ATP9B: variants seen among roughly 807,000 people sequenced by gnomAD.
The protein encoded by ATP9B is ATPase phospholipid transporting 9B.
ATP9B carries 110 observed loss-of-function variants against 146.1 expected under a neutral mutation model. That is an observed-to-expected ratio of 0.75 (90% CI 0.65 to 0.88). The LOEUF (loss-of-function observed/expected upper bound fraction) is 0.88. ATP9B is among the 40% of genes least tolerant of loss of function. The pLI, the probability that ATP9B is intolerant of heterozygous loss-of-function variation, is 0.00. For synonymous variants in ATP9B, 604 were observed against 569.7 expected (o/e 1.06, Z -0.86); for missense variants, 1,499 against 1,496.4 (o/e 1.00, Z -0.03).
At position 79,375,376 on chromosome 18, in the gene ATP9B, A is replaced by T; in HGVS notation, c.3275-18A>T. On this transcript the variant is annotated intron_variant, in intron 28 of 29. Transcript: ENST00000426216. ...CTTTAATCTGTCCTTTATTTTCTTTATTACTGTTTTGGAACAGGTATAGGC... is the reference window on the plus strand; with the variant it reads ...CTTTAATCTGTCCTTTATTTTCTTTTTTACTGTTTTGGAACAGGTATAGGC... 1 of 1,601,346 alleles carries T rather than the reference A, an allele frequency of 6.2e-7. No individual in the cohort carries two copies. Among genetic ancestry groups the T allele is most frequent in the Non-Finnish European group, 8.5e-7 (1 of 1,169,874 alleles).
chr18:79,262,849 T>A (rs2096158236), intron 12 of ATP9B, among the ~76,000 whole-genome samples: 1 of 152,234 alleles, frequency 6.6e-6, no homozygotes, highest in Admixed American at 6.5e-5. Context: ...TCTGTATAAA[T>A]CTCTTATTAG....
chr18:79,128,886 A>G (rs1437086232), intron 5 of ATP9B, among the ~76,000 whole-genome samples: 2 of 152,168 alleles, frequency 1.3e-5, no homozygotes, highest in African/African-American at 2.4e-5. Flanking sequence ...ATCCAGAGAA[A>G]GTCAACCTAG....
chr18:79,255,850 C>T (rs2096072219), intron 12 of ATP9B, among the ~76,000 whole-genome samples: 1 of 152,146 alleles, frequency 6.6e-6, no homozygotes, highest in Non-Finnish European at 1.5e-5. Flanking sequence ...ATTCCAACTC[C>T]CAAAATATGT....
chr18:79,091,124 CTGGTCCAT>C, intron 1 of ATP9B, among the ~76,000 whole-genome samples: 1 of 152,266 alleles, frequency 6.6e-6, no homozygotes, highest in Admixed American at 6.5e-5. Context: ...GTTCTCTATT[CTGGTCCAT>C]TGGTCTATGT....
chr18:79,299,637 G>T (rs1361193601), intron 13 of ATP9B, among the ~76,000 whole-genome samples: 1 of 152,168 alleles, frequency 6.6e-6, no homozygotes, highest in African/African-American at 2.4e-5. Context: ...GGGGCACTTT[G>T]TGCATTGTCT....
chr18:79,189,604 G>C (rs2095343315), intron 8 of ATP9B, among the ~76,000 whole-genome samples: 1 of 152,156 alleles, frequency 6.6e-6, no homozygotes, highest in South Asian at 2.1e-4. Context: ...CTTACAATAA[G>C]GTAAGCTAGA....
rs577199928 is a variant in ATP9B at position 79,143,879 on chromosome 18, T to C, written c.726+19T>C. The C allele has an allele frequency of 1.3e-6, 2 of 1,510,208 alleles. No individual in the cohort carries two copies. The highest frequency in any genetic ancestry group is 2.3e-5 in the East Asian group (1 of 43,392). 93.6% of individuals were successfully genotyped at this position (1,510,208 alleles called of 1,614,324 possible). A position where few individuals can be genotyped will look rare whatever the true frequency, so the allele number is the denominator to read the frequency against. On this transcript the variant is annotated intron_variant, in intron 6 of 29. Coordinates refer to ENST00000426216, the MANE Select transcript of ATP9B (RefSeq NM_198531.5). ...GGAAAAGGTTGATGATTTTTTAATA[T>C]ATTTTAGACCTATGTATGCTAGTTA...
chr18:79,170,103 G>A (rs1030299568), intron 7 of ATP9B, among the ~76,000 whole-genome samples: 1 of 152,194 alleles, frequency 6.6e-6, no homozygotes, highest in African/African-American at 2.4e-5. Flanking sequence ...AGAGGGAAAG[G>A]CCAGGAGCTC....
intron 11 of ATP9B, among the ~76,000 whole-genome samples, chr18:79,217,499 A>G (rs1238367965): frequency 1.3e-5 from 2 of 152,232 alleles, no homozygotes; most frequent in Non-Finnish European, 2.9e-5. Context: ...TGGTATTTAA[A>G]CATCCAATTA....
chr18:79,206,389 G>C lies in ATP9B; in HGVS notation c.955-548G>C, dbSNP rs540672475. On this transcript the variant is annotated intron_variant, in intron 9 of 29. Coordinates refer to ENST00000426216, the MANE Select transcript of ATP9B (RefSeq NM_198531.5). ...GCCCTTGTCCTTCACAAGAGATAGA[G>C]AGAGGAAATTATGCTATGCACGCAA... Among the ~76,000 whole-genome samples, 4 of 152,248 alleles carry C rather than the reference G, an allele frequency of 2.6e-5. No homozygotes were observed. The East Asian group carries it at 5.8e-4, about 22-fold the overall frequency.
At chr18:79,348,481 AG>A (rs1297367057) in intron 25 of ATP9B, among the ~76,000 whole-genome samples, 2 of 152,220 alleles carry the variant, frequency 1.3e-5, no homozygotes, top group African/African-American at 4.8e-5. Context: ...GTCCCGTGGC[AG>A]AAGGCGGAGG....
At chr18:79,334,581 G>T (rs192173630) in intron 17 of ATP9B, among the ~76,000 whole-genome samples, 6 of 152,002 alleles carry the variant, frequency 3.9e-5, no homozygotes, top group Admixed American at 2.0e-4. Context: ...CACAGCAGAG[G>T]GGGGTGGGGT....
At chr18:79,296,749 A>T (rs769499235) in intron 13 of ATP9B, among the ~76,000 whole-genome samples, 3 of 152,218 alleles carry the variant, frequency 2.0e-5, no homozygotes, top group Non-Finnish European at 4.4e-5. Flanking sequence ...TTAAATCAGC[A>T]ACTTTTTTGG....
intron 11 of ATP9B, among the ~76,000 whole-genome samples, chr18:79,227,708 G>A (rs2095750666): frequency 6.6e-6 from 1 of 152,156 alleles, no homozygotes; most frequent in Admixed American, 6.5e-5. Context: ...CCCCCCGACT[G>A]TTCTCCTTCC....
chr18:79,204,591 G>A (rs2095517799), intron 9 of ATP9B, among the ~76,000 whole-genome samples: 1 of 152,192 alleles, frequency 6.6e-6, no homozygotes, highest in South Asian at 2.1e-4. Context: ...GCTAAGTTCA[G>A]GAAAGCATGC....
intron 12 of ATP9B, among the ~76,000 whole-genome samples, chr18:79,273,218 T>C (rs1043080802): frequency 2.1e-4 from 32 of 152,134 alleles, no homozygotes; most frequent in African/African-American, 6.8e-4. Context: ...ATCTAAGATA[T>C]CTCATAGGAA....
intron 25 of ATP9B, chr18:79,352,661 G>A (rs1478173741): frequency 6.6e-6 from 1 of 152,142 alleles, no homozygotes; most frequent in Non-Finnish European, 1.5e-5. Flanking sequence ...AAACCTCTGT[G>A]TTTCAAGAGT....
intron 13 of ATP9B, among the ~76,000 whole-genome samples, chr18:79,284,598 T>G (rs544156415): frequency 6.6e-5 from 10 of 152,284 alleles, no homozygotes; most frequent in Non-Finnish European, 1.2e-4. Context: ...CACTTAAGTT[T>G]TGTTTCCATT....
intron 4 of ATP9B, among the ~76,000 whole-genome samples, chr18:79,118,537 A>G (rs1490840451): frequency 6.6e-6 from 1 of 151,108 alleles, no homozygotes; most frequent in African/African-American, 2.4e-5. Context: ...AGTAGCTGGG[A>G]CTACAGATAC....
Sources: allele counts gnomAD v4.1 joint callset (sites outside exome capture counted in the v4.1 genomes callset), GRCh38; gene constraint gnomAD v4.1.1; transcripts MANE v1.5; gene names NCBI Gene and HGNC (gene_info 2026-07-23, HGNC 2026-07-21).